Variants in PLCB4 observed in about 807,000 individuals in gnomAD.
The protein encoded by PLCB4 is 1-phosphatidylinositol 4,5-bisphosphate phosphodiesterase beta-4.
PLCB4 carries 77 observed loss-of-function variants against 178.8 expected under a neutral mutation model. The ratio of observed to expected loss-of-function variants is 0.43; its 90% CI spans 0.36 to 0.52. The LOEUF (loss-of-function observed/expected upper bound fraction) is 0.52. Ranked by LOEUF, PLCB4 falls within the 20% of genes least tolerant of loss-of-function variation. The pLI is 0.00. For synonymous variants in PLCB4, 496 were observed against 490.8 expected (o/e 1.01, Z -0.14); for missense variants, 1,024 against 1,453.4 (o/e 0.70, Z 4.80).
chr20:9,198,831 G>A lies in PLCB4; in HGVS notation c.-78-18559G>A, dbSNP rs545137633. ...GTGTCAAATTGGAATAGAAGAATGA[G>A]CAATGAATTCTTTCACCAGCATATC... On this transcript the variant is annotated intron_variant, in intron 2 of 39. Coordinates refer to ENST00000378473, the MANE Select transcript of PLCB4 (RefSeq NM_001377142.1). 1.6e-4 allele frequency among the ~76,000 whole-genome samples: 25 copies of A among 152,268 alleles called. No homozygotes were observed. In the South Asian group the frequency reaches 3.7e-3, roughly 23 times the overall value.
At chr20:9,397,975 C>T (rs139399668) in intron 19 of PLCB4, among the ~76,000 whole-genome samples, 179 of 152,260 alleles carry the variant, frequency 1.2e-3, no homozygotes, top group African/African-American at 4.0e-3. Context: ...TTATCCCGGA[C>T]GGCTTACTCA....
At chr20:9,347,983 C>T (rs920561462) in intron 7 of PLCB4, among the ~76,000 whole-genome samples, 5 of 152,074 alleles carry the variant, frequency 3.3e-5, no homozygotes, top group African/African-American at 1.2e-4. Flanking sequence ...AAAAACAAAA[C>T]AAACAAACAA....
At chr20:9,235,692 T>C (rs2093985470) in intron 3 of PLCB4, among the ~76,000 whole-genome samples, 1 of 152,220 alleles carries the variant, frequency 6.6e-6, no homozygotes, top group Non-Finnish European at 1.5e-5. Context: ...AAATGCCCCT[T>C]GCAGACACCA....
chr20:9,350,410 A>G (rs2034223237), intron 7 of PLCB4, among the ~76,000 whole-genome samples: 1 of 152,186 alleles, frequency 6.6e-6, no homozygotes, highest in African/African-American at 2.4e-5. Context: ...ACAAATAAAG[A>G]TGCCCAGAGA....
chr20:9,100,883 T>C (rs775478970), intron 2 of PLCB4, among the ~76,000 whole-genome samples: 27 of 152,304 alleles, frequency 1.8e-4, no homozygotes, highest in Non-Finnish European at 1.5e-4. Flanking sequence ...ACCATCTGCA[T>C]CATCTCGACA....
chr20:9,405,296 T>G lies in PLCB4; in HGVS notation c.1612-17T>G. On this transcript the variant is annotated splice_polypyrimidine_tract_variant and intron_variant, in intron 20 of 39. Coordinates refer to ENST00000378473, the MANE Select transcript of PLCB4 (RefSeq NM_001377142.1). ...CCCTTTAGAGAAGTAAACAAATTATTTCCTTTCTCTAATTAGGCTTCAGAT... is the reference window on the plus strand; with the variant it reads ...CCCTTTAGAGAAGTAAACAAATTATGTCCTTTCTCTAATTAGGCTTCAGAT... The G allele has an allele frequency of 2.0e-6, 3 of 1,488,968 alleles. No homozygotes were observed. Among genetic ancestry groups the G allele is most frequent in the South Asian group, 2.5e-5 (2 of 80,508 alleles). 92.2% of individuals were successfully genotyped at this position (1,488,968 alleles called of 1,614,324 possible).
intron 10 of PLCB4, among the ~76,000 whole-genome samples, chr20:9,371,537 TA>T (rs1421691499): frequency 6.6e-6 from 1 of 152,154 alleles, no homozygotes; most frequent in African/African-American, 2.4e-5. Context: ...CCTAAATCTC[TA>T]AAAATGTAAA....
chr20:9,344,251 C>T (rs1453483604), intron 7 of PLCB4, among the ~76,000 whole-genome samples: 1 of 152,174 alleles, frequency 6.6e-6, no homozygotes, highest in Non-Finnish European at 1.5e-5. Flanking sequence ...CAGTTACACA[C>T]AGAGCTTTCT....
chr20:9,466,591 AAAAC>A (rs1369893251), intron 35 of PLCB4, among the ~76,000 whole-genome samples: 3 of 151,866 alleles, frequency 2.0e-5, no homozygotes, highest in Non-Finnish European at 2.9e-5. Context: ...TTACAAGAAA[AAAAC>A]AACCCCATCA....
chr20:9,457,289 C>CAATG (rs1356919441), intron 33 of PLCB4, 125 bp from the exon 34 acceptor site: 2 of 657,142 alleles, frequency 3.0e-6, no homozygotes, highest in Non-Finnish European at 5.5e-6. Flanking sequence ...CAGTGTTGCC[C>CAATG]AATGAGCCAT....
intron 3 of PLCB4, among the ~76,000 whole-genome samples, chr20:9,258,880 A>G (rs1385298943): frequency 2.0e-5 from 3 of 152,184 alleles, no homozygotes; most frequent in African/African-American, 7.2e-5. Context: ...AGTAAGATCT[A>G]CATTATTTGA....
chr20:9,292,165 A>C (rs926783876), intron 3 of PLCB4, among the ~76,000 whole-genome samples: 1 of 152,204 alleles, frequency 6.6e-6, no homozygotes, highest in Admixed American at 6.5e-5. Flanking sequence ...GGCTTACTCC[A>C]TACTCACGCC....
intron 3 of PLCB4, among the ~76,000 whole-genome samples, chr20:9,302,052 G>T (rs1484542037): frequency 6.6e-6 from 1 of 152,106 alleles, no homozygotes; most frequent in Non-Finnish European, 1.5e-5. Flanking sequence ...ATGGTGAGAT[G>T]ATGCCATTCT....
At chr20:9,469,508 A>G (rs1176011510) in intron 36 of PLCB4, among the ~76,000 whole-genome samples, 1 of 152,196 alleles carries the variant, frequency 6.6e-6, no homozygotes, top group Admixed American at 6.5e-5. Flanking sequence ...GAAGCAGATC[A>G]AGGCAGGAAT....
At chr20:9,126,771 C>CTTTTT (rs34634088) in intron 2 of PLCB4, among the ~76,000 whole-genome samples, 1 of 119,710 alleles carries the variant, frequency 8.4e-6, no homozygotes. Context: ...ATTTCATTTG[C>CTTTTT]TTTTTTTTTT....
At chr20:9,338,198 T>A in intron 6 of PLCB4, 131 bp downstream of exon 6, 1 of 655,896 alleles carries the variant, frequency 1.5e-6, no homozygotes, top group South Asian at 1.8e-5. Flanking sequence ...GTTTTGAGAA[T>A]AGCATGTGGT....
chr20:9,411,810 C>T (rs573656258), intron 25 of PLCB4, among the ~76,000 whole-genome samples: 4 of 152,134 alleles, frequency 2.6e-5, no homozygotes, highest in African/African-American at 9.6e-5. Flanking sequence ...ATTAATAACT[C>T]CAGACCACTG....
At chr20:9,255,542 A>C (rs1242819233) in intron 3 of PLCB4, among the ~76,000 whole-genome samples, 1 of 118,646 alleles carries the variant, frequency 8.4e-6, no homozygotes, top group Non-Finnish European at 1.8e-5. Context: ...TTTTTTTTGT[A>C]AGTTTAGCAT....
chr20:9,108,400 C>T (rs1031885315), intron 2 of PLCB4, among the ~76,000 whole-genome samples: 1 of 152,002 alleles, frequency 6.6e-6, no homozygotes, highest in African/African-American at 2.4e-5. Flanking sequence ...GGAGGAAAAC[C>T]AAGGGCATAT....
Sources: allele counts gnomAD v4.1 joint callset (sites outside exome capture counted in the v4.1 genomes callset), GRCh38; gene constraint gnomAD v4.1.1; transcripts MANE v1.5; gene names NCBI Gene and HGNC (gene_info 2026-07-23, HGNC 2026-07-21).